The following TRAPPC12 variants were observed in gnomAD, a reference collection of about 807,000 sequenced individuals.
The protein encoded by TRAPPC12 is trafficking protein particle complex subunit 12, also known as TPR repeat protein 15.
TRAPPC12 carries 61 observed loss-of-function variants against 69.2 expected under a neutral mutation model. The observed-to-expected ratio is 0.88, with a 90% CI of 0.72 to 1.09. The LOEUF (loss-of-function observed/expected upper bound fraction) is 1.09, where lower values mean the gene tolerates loss of function less well. TRAPPC12 is among the 50% of genes least tolerant of loss of function. TRAPPC12 has a pLI of 0.00. For synonymous variants in TRAPPC12, 469 were observed against 438.9 expected (o/e 1.07, Z -0.86); for missense variants, 1,101 against 1,016.4 (o/e 1.08, Z -1.13).
intron 3 of TRAPPC12, chr2:3,421,671 G>T (rs1229483983): frequency 1.4e-6 from 1 of 714,592 alleles, no homozygotes; most frequent in African/African-American, 1.7e-5. Flanking sequence ...CTCACGCTTG[G>T]CTCTCTTATT....
chr2:3,464,575 C>T (rs1189530785), intron 8 of TRAPPC12, among the ~76,000 whole-genome samples: 1 of 152,186 alleles, frequency 6.6e-6, no homozygotes, highest in Non-Finnish European at 1.5e-5. Flanking sequence ...TACTGCTGAC[C>T]GCGTGCTTAT....
chr2:3,449,727 CAG>C (rs1664750527), intron 6 of TRAPPC12, among the ~76,000 whole-genome samples: 2 of 152,250 alleles, frequency 1.3e-5, no homozygotes, highest in African/African-American at 4.8e-5. Flanking sequence ...GGCCAGGACT[CAG>C]GGCCTGGCCA....
chr2:3,405,704 T>A (rs1661693607), intron 3 of TRAPPC12, among the ~76,000 whole-genome samples: 1 of 152,200 alleles, frequency 6.6e-6, no homozygotes, highest in Non-Finnish European at 1.5e-5. Flanking sequence ...TTTATGGGAT[T>A]TACTCAGATT....
At chr2:3,449,960 T>C (rs1181868113) in intron 6 of TRAPPC12, among the ~76,000 whole-genome samples, 1 of 152,114 alleles carries the variant, frequency 6.6e-6, no homozygotes, top group African/African-American at 2.4e-5. Context: ...CCCATGCTCC[T>C]GGAACCCCGT....
intron 9 of TRAPPC12, among the ~76,000 whole-genome samples, chr2:3,476,296 C>CA (rs1455421981): frequency 6.6e-6 from 1 of 152,060 alleles, no homozygotes; most frequent in East Asian, 1.9e-4. Context: ...TGGATGCTGG[C>CA]AAAAAATGTA....
chr2:3,426,637 T>C (rs750878965), intron 5 of TRAPPC12, among the ~76,000 whole-genome samples: 10 of 152,232 alleles, frequency 6.6e-5, no homozygotes, highest in Non-Finnish European at 1.0e-4. Flanking sequence ...GGAGTCTGGC[T>C]TTTGCAGCCA....
At chr2:3,398,121 T>C (rs1486963085) in intron 2 of TRAPPC12, among the ~76,000 whole-genome samples, 3 of 152,234 alleles carry the variant, frequency 2.0e-5, no homozygotes, top group Non-Finnish European at 4.4e-5. Context: ...TTGGTGGACA[T>C]TTGGGCTGTT....
At chr2:3,436,065 G>C (rs955619363) in intron 5 of TRAPPC12, among the ~76,000 whole-genome samples, 3 of 152,204 alleles carry the variant, frequency 2.0e-5, no homozygotes, top group Non-Finnish European at 4.4e-5. Context: ...CCAGCCTCTT[G>C]TGGAGGGCAG....
intron 8 of TRAPPC12, among the ~76,000 whole-genome samples, chr2:3,463,437 C>G (rs1011875629): frequency 1.3e-5 from 2 of 151,774 alleles, no homozygotes; most frequent in Non-Finnish European, 2.9e-5. Context: ...GCGCCTGCCC[C>G]CGGCCTGGAA....
chr2:3,387,686 C>G lies in TRAPPC12; in HGVS notation c.63C>G (p.Leu21=). The G allele has an allele frequency of 6.4e-7, 1 of 1,563,692 alleles. No homozygotes were observed. The highest frequency in any genetic ancestry group is 1.4e-5 in the African/African-American group (1 of 73,504). ...CGGAGGCCCCGCACCCCCCTCAGCT[C>G]GCGCCTCCGGAGGAGCAGGGGTTGC... ...PAPEAPHPPQ[L]APPEEQGLLF... The change falls in exon 2 of 12, where the codon CTC becomes CTG. Residue 21 remains leucine, a synonymous_variant. Transcript: ENST00000324266.
chr2:3,418,823 A>T (rs1205221084), intron 3 of TRAPPC12, among the ~76,000 whole-genome samples: 1 of 152,184 alleles, frequency 6.6e-6, no homozygotes, highest in Non-Finnish European at 1.5e-5. Context: ...GGGCCTTCAA[A>T]TGTGATGACA....
intron 8 of TRAPPC12, 110 bp from the exon 9 acceptor site, chr2:3,465,487 A>G (rs1665760468): frequency 2.7e-6 from 2 of 743,902 alleles, no homozygotes; most frequent in Admixed American, 2.3e-5. Flanking sequence ...CTCCTGCGTC[A>G]GCGTGTCCTC....
At chr2:3,469,881 T>G (rs71449672) in intron 9 of TRAPPC12, among the ~76,000 whole-genome samples, 18,500 of 152,278 alleles carry the variant, frequency 0.12, 1,285 homozygotes, top group South Asian at 0.19. Flanking sequence ...TCTGAAGTCA[T>G]GTAACACAAA....
At chr2:3,406,114 C>A (rs1661715802) in intron 3 of TRAPPC12, among the ~76,000 whole-genome samples, 1 of 152,172 alleles carries the variant, frequency 6.6e-6, no homozygotes, top group African/African-American at 2.4e-5. Flanking sequence ...GCCAAACCTT[C>A]CCCAGAGACG....
chr2:3,478,019 G>T (rs1246018777), intron 10 of TRAPPC12: 1 of 401,080 alleles, frequency 2.5e-6, no homozygotes, highest in South Asian at 7.3e-5. Flanking sequence ...ATTCCCCCTT[G>T]TTCTTCAGAG....
intron 4 of TRAPPC12, among the ~76,000 whole-genome samples, chr2:3,424,118 T>G (rs1489618595): frequency 6.6e-6 from 1 of 152,266 alleles, no homozygotes; most frequent in Non-Finnish European, 1.5e-5. Flanking sequence ...TTCATTTTCA[T>G]GACACCTAGC....
At chr2:3,428,284 A>G (rs1266142670) in intron 5 of TRAPPC12, among the ~76,000 whole-genome samples, 1 of 152,276 alleles carries the variant, frequency 6.6e-6, no homozygotes, top group Non-Finnish European at 1.5e-5. Flanking sequence ...AATCATACAT[A>G]CATTTTAGCA....
At chr2:3,426,339 C>G (rs1008135667) in intron 5 of TRAPPC12, among the ~76,000 whole-genome samples, 1 of 152,248 alleles carries the variant, frequency 6.6e-6, no homozygotes, top group African/African-American at 2.4e-5. Flanking sequence ...GAAGGACCAG[C>G]AACACCACTA....
chr2:3,469,220 T>G (rs1036329908), intron 9 of TRAPPC12, among the ~76,000 whole-genome samples: 2 of 152,224 alleles, frequency 1.3e-5, no homozygotes, highest in Non-Finnish European at 2.9e-5. Context: ...TACCTGTATC[T>G]TAATTATACG....
Sources: gnomAD v4.1 joint callset for allele counts (sites outside exome capture counted in the v4.1 genomes callset) on GRCh38, gnomAD v4.1.1 for gene constraint, MANE v1.5 for transcripts, NCBI Gene and HGNC (gene_info 2026-07-23, HGNC 2026-07-21) for gene names.